LINGO2: variants seen among roughly 807,000 people sequenced by gnomAD.
LINGO2 encodes leucine-rich repeat and immunoglobulin-like domain-containing nogo receptor-interacting protein 2.
In LINGO2, 14 loss-of-function variants were observed where a neutral mutation model predicts 30.6. That is an observed-to-expected ratio of 0.46 (90% CI 0.30 to 0.72). The LOEUF is 0.72. LINGO2 is among the 30% of genes least tolerant of loss of function. The pLI, the probability that LINGO2 is intolerant of heterozygous loss-of-function variation, is 0.07. For missense variants in LINGO2, 729 were observed against 751.7 expected, an observed-to-expected ratio of 0.97 and a Z score of 0.35; for synonymous variants, 317 against 288.5, an observed-to-expected ratio of 1.10 and a Z score of -1.00.
At chr9:27,981,645 C>T (rs1820883882) in intron 5 of LINGO2, among the ~76,000 whole-genome samples, 1 of 150,092 alleles carries the variant, frequency 6.7e-6, no homozygotes, top group Non-Finnish European at 1.5e-5. Flanking sequence ...GACCTAAGGA[C>T]TGCTGTTGTT....
chr9:28,735,181 G>T, the LINGO2 span, among the ~76,000 whole-genome samples: 1 of 152,038 alleles, frequency 6.6e-6, no homozygotes, highest in Non-Finnish European at 1.5e-5. Context: ...TAAGAGACAG[G>T]GTAGAGAAGA....
At chr9:27,975,086 T>C (rs931351031) in intron 5 of LINGO2, among the ~76,000 whole-genome samples, 1 of 152,124 alleles carries the variant, frequency 6.6e-6, no homozygotes, top group East Asian at 1.9e-4. Flanking sequence ...GGCATTTTTT[T>C]CCTCATGATG....
the LINGO2 span, among the ~76,000 whole-genome samples, chr9:29,193,382 G>A: frequency 2.1e-4 from 32 of 152,060 alleles, no homozygotes; most frequent in Non-Finnish European, 4.0e-4. Flanking sequence ...TCCCATCATA[G>A]GCATTGTGAA....
chr9:28,832,144 A>G, the LINGO2 span, among the ~76,000 whole-genome samples: 1 of 152,268 alleles, frequency 6.6e-6, no homozygotes, highest in Middle Eastern at 3.4e-3. Flanking sequence ...TTTTTAGCAA[A>G]TTATTTTCAA....
intron 2 of LINGO2, among the ~76,000 whole-genome samples, chr9:28,424,146 C>T (rs1823312488): frequency 6.6e-6 from 1 of 152,108 alleles, no homozygotes; most frequent in African/African-American, 2.4e-5. Context: ...TAAGCCATGA[C>T]AGATTGTGAA....
At chr9:29,040,788 A>T in the LINGO2 span, among the ~76,000 whole-genome samples, 6 of 152,010 alleles carry the variant, frequency 3.9e-5, no homozygotes, top group East Asian at 1.2e-3. Flanking sequence ...CAAGAGCAGA[A>T]ATGTTTAATT....
the LINGO2 span, among the ~76,000 whole-genome samples, chr9:28,932,161 G>T: frequency 6.8e-5 from 3 of 44,392 alleles, no homozygotes; most frequent in African/African-American, 2.2e-4. Context: ...ATGAAAGGCA[G>T]TGGCGGGGGC....
the LINGO2 span, among the ~76,000 whole-genome samples, chr9:28,751,288 C>A: frequency 1.1e-3 from 94 of 82,036 alleles, no homozygotes; most frequent in South Asian, 3.9e-3. Context: ...AAGATCCAGT[C>A]AAAAAAAAAA....
chr9:28,810,390 CAATCATAAA>C, the LINGO2 span, among the ~76,000 whole-genome samples: 1 of 152,008 alleles, frequency 6.6e-6, no homozygotes, highest in African/African-American at 2.4e-5. Context: ...CATTTTCATT[CAATCATAAA>C]ATAAAAACGA....
chr9:28,947,832 A>G, the LINGO2 span, among the ~76,000 whole-genome samples: 1 of 151,940 alleles, frequency 6.6e-6, no homozygotes, highest in Non-Finnish European at 1.5e-5. Context: ...ACATGAAGCA[A>G]TTTCAACATG....
At chr9:29,125,231 A>G in the LINGO2 span, among the ~76,000 whole-genome samples, 33 of 152,166 alleles carry the variant, frequency 2.2e-4, no homozygotes, top group Non-Finnish European at 1.3e-4. Context: ...GGACACAGGG[A>G]GGGGAATATC....
intron 1 of LINGO2, among the ~76,000 whole-genome samples, chr9:28,484,104 A>G (rs746475835): frequency 4.1e-4 from 63 of 152,036 alleles, no homozygotes; most frequent in Non-Finnish European, 1.0e-4. Context: ...AGTACCCTTC[A>G]CCTGAATGAG....
At chr9:27,996,646 A>G (rs936981507) in intron 5 of LINGO2, among the ~76,000 whole-genome samples, 8 of 152,194 alleles carry the variant, frequency 5.3e-5, no homozygotes, top group African/African-American at 1.9e-4. Context: ...GGGGTTAGTT[A>G]ATGGGTAATA....
At chr9:28,434,071 C>T (rs1212726970) in intron 2 of LINGO2, among the ~76,000 whole-genome samples, 2 of 151,126 alleles carry the variant, frequency 1.3e-5, no homozygotes, top group African/African-American at 4.9e-5. Flanking sequence ...GAGCTGGAGG[C>T]CATTATTCTA....
the LINGO2 span, among the ~76,000 whole-genome samples, chr9:29,147,076 G>T: frequency 6.6e-6 from 1 of 151,924 alleles, no homozygotes; most frequent in South Asian, 2.1e-4. Flanking sequence ...AACAGAATTG[G>T]CAATGAGAAT....
intron 4 of LINGO2, among the ~76,000 whole-genome samples, chr9:28,290,541 TA>T (rs1823685985): frequency 6.6e-6 from 1 of 152,150 alleles, no homozygotes; most frequent in South Asian, 2.1e-4. Flanking sequence ...AAGAAGGCTT[TA>T]ATTGGGTGCT....
intron 5 of LINGO2, among the ~76,000 whole-genome samples, chr9:27,981,571 A>AAAG (rs1820875472): frequency 6.7e-5 from 5 of 74,234 alleles, no homozygotes; most frequent in East Asian, 4.2e-4. Context: ...AAAAAAAAAG[A>AAAG]AAAAAAAAAG....
At chr9:28,385,074 G>A (rs1821524098) in intron 2 of LINGO2, among the ~76,000 whole-genome samples, 1 of 152,102 alleles carries the variant, frequency 6.6e-6, no homozygotes, top group African/African-American at 2.4e-5. Context: ...GCTAGACACT[G>A]GGGTACAGGA....
chr9:28,527,143 A>C (rs1051720931), intron 1 of LINGO2, among the ~76,000 whole-genome samples: 1 of 152,170 alleles, frequency 6.6e-6, no homozygotes, highest in Admixed American at 6.5e-5. Context: ...GAGATTATGT[A>C]GTATAATCTT....
Sources: allele counts gnomAD v4.1 joint callset (sites outside exome capture counted in the v4.1 genomes callset), GRCh38; gene constraint gnomAD v4.1.1; transcripts MANE v1.5; gene names NCBI Gene and HGNC (gene_info 2026-07-23, HGNC 2026-07-21).